Variants in KCNH1 observed in about 807,000 individuals in gnomAD.
KCNH1 encodes potassium voltage-gated channel subfamily H member 1, also known as voltage-gated delayed rectifier potassium channel KCNH1.
In KCNH1, 27 loss-of-function variants were observed where a neutral mutation model predicts 69.2. The ratio of observed to expected loss-of-function variants is 0.39; its 90% CI spans 0.29 to 0.54. The LOEUF is 0.54. KCNH1 is among the 20% of genes least tolerant of loss of function. The pLI, the probability that KCNH1 is intolerant of heterozygous loss-of-function variation, is 0.68. For missense variants in KCNH1, 798 were observed against 1,261.6 expected (o/e 0.63, Z 5.57); for synonymous variants, 456 against 487.7 (o/e 0.93, Z 0.86).
At position 210,988,368 on chromosome 1, in the gene KCNH1, C is replaced by T. The variant is rs1206715184; in HGVS notation, c.1032+30415G>A. The stretch of plus-strand genomic sequence containing the variant: ...AAATGCAGAAATCACGGGTCTTCTG[C>T]GTCACTCACACTGGGAGCTGTAGAC... On this transcript the variant is annotated intron_variant, in intron 6 of 10. Transcript: ENST00000271751. Among the ~76,000 whole-genome samples, 7 of 152,166 alleles carry T rather than the reference C, an allele frequency of 4.6e-5. No individual in the cohort carries two copies. The South Asian group carries it at 6.2e-4, about 14-fold the overall frequency.
chr1:210,831,341 T>C (rs58579065), intron 7 of KCNH1, among the ~76,000 whole-genome samples: 26,229 of 152,182 alleles, frequency 0.17, 2,938 homozygotes, highest in African/African-American at 0.32. Flanking sequence ...ATTTTTAGGC[T>C]TCCAGAAATA....
intron 6 of KCNH1, among the ~76,000 whole-genome samples, chr1:210,923,561 G>A (rs140187229): frequency 1.3e-5 from 2 of 152,334 alleles, no homozygotes; most frequent in African/African-American, 2.4e-5. Context: ...ACAACTGCAC[G>A]ACTGTGCCTG....
intron 6 of KCNH1, among the ~76,000 whole-genome samples, chr1:210,978,329 C>T (rs146912305): frequency 0.011 from 1,679 of 152,304 alleles, 37 homozygotes; most frequent in African/African-American, 0.038. Context: ...TGAGCCACCG[C>T]GCCCGGCCTC....
chr1:210,992,789 T>C (rs1688959264), intron 6 of KCNH1, among the ~76,000 whole-genome samples: 1 of 152,220 alleles, frequency 6.6e-6, no homozygotes, highest in Non-Finnish European at 1.5e-5. Flanking sequence ...CTATATTGCT[T>C]AGCATGTTTT....
chr1:211,094,182 A>G (rs1355722359), intron 3 of KCNH1, among the ~76,000 whole-genome samples: 1 of 152,150 alleles, frequency 6.6e-6, no homozygotes, highest in East Asian at 1.9e-4. Context: ...TCCACCTCAG[A>G]TCATCAGGCA....
At chr1:211,119,086 C>A (rs545040074) in intron 1 of KCNH1, among the ~76,000 whole-genome samples, 43 of 152,262 alleles carry the variant, frequency 2.8e-4, no homozygotes, top group Non-Finnish European at 4.9e-4. Flanking sequence ...TGAGGCCGGG[C>A]GCGGTGGCTC....
chr1:210,763,713 T>C (rs572530711), intron 10 of KCNH1, among the ~76,000 whole-genome samples: 8 of 152,176 alleles, frequency 5.3e-5, no homozygotes, highest in African/African-American at 1.7e-4. Context: ...AAATAAATCA[T>C]AGACAACACA....
At chr1:210,905,261 T>A (rs1284735876) in intron 7 of KCNH1, among the ~76,000 whole-genome samples, 1 of 152,184 alleles carries the variant, frequency 6.6e-6, no homozygotes, top group African/African-American at 2.4e-5. Context: ...AAAATGCGAA[T>A]AATAGTCCCA....
At chr1:210,773,251 C>T (rs1683786609) in intron 10 of KCNH1, among the ~76,000 whole-genome samples, 1 of 152,214 alleles carries the variant, frequency 6.6e-6, no homozygotes, top group South Asian at 2.1e-4. Context: ...TGCCCACCCT[C>T]CACTAGAATT....
intron 5 of KCNH1, among the ~76,000 whole-genome samples, chr1:211,023,154 A>AT (rs1689619941): frequency 9.9e-6 from 1 of 100,808 alleles, no homozygotes; most frequent in Non-Finnish European, 2.1e-5. Flanking sequence ...AAATAAATAA[A>AT]TAAATAAATT....
At chr1:211,118,844 A>G (rs1691633964) in intron 1 of KCNH1, among the ~76,000 whole-genome samples, 1 of 152,250 alleles carries the variant, frequency 6.6e-6, no homozygotes. Flanking sequence ...AATGACTTAG[A>G]AAAGTGACTC....
At chr1:211,082,990 C>T in intron 4 of KCNH1, 92 bp from the exon 5 acceptor site, 1 of 1,019,134 alleles carries the variant, frequency 9.8e-7, no homozygotes, top group Admixed American at 2.0e-5. Flanking sequence ...CAGAAACAGA[C>T]ACCTCCAATG....
chr1:210,858,428 T>C (rs181170887), intron 7 of KCNH1: 1 of 152,352 alleles, frequency 6.6e-6, no homozygotes, highest in African/African-American at 2.4e-5. Flanking sequence ...ACAAAATTGC[T>C]AGTTCATTTT....
chr1:210,808,232 G>C lies in KCNH1; in HGVS notation c.1463-4066C>G, dbSNP rs547372556. ...CAATGAACCAGGAGTCACAGGAAAA[G>C]AGTAGATGTGCCTCTTTTTAGGATG... On this transcript the variant is annotated intron_variant, in intron 7 of 10. Coordinates refer to ENST00000271751, the MANE Select transcript of KCNH1 (RefSeq NM_172362.3). Among the ~76,000 whole-genome samples the C allele has an allele frequency of 1.5e-4, 23 of 152,326 alleles. 1 individual carries two copies. In the South Asian group the frequency reaches 4.3e-3, roughly 29 times the overall value.
intron 6 of KCNH1, among the ~76,000 whole-genome samples, chr1:210,937,389 A>C (rs559111842): frequency 6.6e-6 from 1 of 152,226 alleles, no homozygotes; most frequent in Non-Finnish European, 1.5e-5. Context: ...CAAGCTGAGC[A>C]TGCCAGAATA....
At chr1:210,842,422 C>A (rs926692607) in intron 7 of KCNH1, among the ~76,000 whole-genome samples, 3 of 152,074 alleles carry the variant, frequency 2.0e-5, no homozygotes, top group Non-Finnish European at 2.9e-5. Context: ...ACTGTGCTAA[C>A]AAATGGACTA....
intron 10 of KCNH1, among the ~76,000 whole-genome samples, chr1:210,765,790 G>A (rs138366045): frequency 0.02 from 3,061 of 152,218 alleles, 109 homozygotes; most frequent in African/African-American, 0.069. Context: ...GGCCAGGTGT[G>A]GTGGCTCATG....
chr1:210,684,458 AC>A (rs1681363799), intron 10 of KCNH1, among the ~76,000 whole-genome samples: 1 of 152,128 alleles, frequency 6.6e-6, no homozygotes, highest in Non-Finnish European at 1.5e-5. Context: ...TTCCCAGGGG[AC>A]TGTCCTAGCC....
intron 7 of KCNH1, among the ~76,000 whole-genome samples, chr1:210,901,160 AT>A (rs1009399830): frequency 6.6e-6 from 1 of 151,970 alleles, no homozygotes; most frequent in African/African-American, 2.4e-5. Flanking sequence ...CTACCCCTAA[AT>A]GGCACCTCTA....
Sources: gnomAD v4.1 joint callset for allele counts (sites outside exome capture counted in the v4.1 genomes callset) on GRCh38, gnomAD v4.1.1 for gene constraint, MANE v1.5 for transcripts, NCBI Gene and HGNC (gene_info 2026-07-23, HGNC 2026-07-21) for gene names.